Variants in TBC1D16 observed in about 807,000 individuals in gnomAD.
TBC1D16 encodes the protein TBC1 domain family member 16, also known as CTD-2529O21.1.
Under a neutral mutation model 74.7 loss-of-function variants are expected in TBC1D16, and 58 were observed. That is an observed-to-expected ratio of 0.78 (90% CI 0.63 to 0.97). The LOEUF is 0.97. Among genes scored for constraint, TBC1D16 ranks in the 50% least tolerant of loss-of-function variants. The pLI, the probability that TBC1D16 is intolerant of heterozygous loss-of-function variation, is 0.00. For synonymous variants in TBC1D16, 493 were observed against 474.7 expected (o/e 1.04, Z -0.50); for missense variants, 1,014 against 1,079.5 (o/e 0.94, Z 0.85).
rs2035777129 is a variant in TBC1D16 at position 80,008,954 on chromosome 17, ACCC to A, written c.779+1203_779+1205del. On this transcript the variant is annotated intron_variant, in intron 3 of 11. Coordinates refer to ENST00000310924, the MANE Select transcript of TBC1D16 (RefSeq NM_019020.4). This position sits in a 1 kb window ranked among gnomAD's most constrained non-coding sequence, Gnocchi z 4.5. ...CTTTTATGCTGCAGCCCTGGGGCAG[ACCC>A]AGCTGGGTTCACATCCCAGCTTGGC... Among the ~76,000 whole-genome samples the A allele has an allele frequency of 6.6e-6, 1 of 152,132 alleles. No individual in the cohort carries two copies. Among genetic ancestry groups the A allele is most frequent in the Non-Finnish European group, 1.5e-5 (1 of 67,994 alleles).
In TBC1D16 at chr17:80,013,597, C is replaced by T. The variant is rs543413670; in HGVS notation, c.-50G>A. The T allele has an allele frequency of 4.7e-5, 67 of 1,440,354 alleles. No homozygotes were observed. The highest frequency in any genetic ancestry group is 5.6e-5 in the Non-Finnish European group (61 of 1,090,564). The allele number at this position is 1,440,354 out of a possible 1,614,324, so 89.2% of individuals were successfully genotyped here. A position where few individuals can be genotyped will look rare whatever the true frequency, so the allele number is the denominator to read the frequency against. The stretch of plus-strand genomic sequence containing the variant: ...CGCATGCGTCGGCCCGGGCAGGGCT[C>T]GTCAAGACCTGCCTGGGGGAGGAAG... On this transcript the variant is annotated 5_prime_UTR_variant, in exon 2 of 12. Transcript: ENST00000310924.
At chr17:79,955,488 G>A (rs1244583141) in intron 3 of TBC1D16, among the ~76,000 whole-genome samples, 2 of 152,144 alleles carry the variant, frequency 1.3e-5, no homozygotes, top group Non-Finnish European at 2.9e-5. Flanking sequence ...TAAACTACAG[G>A]GAAAACGAAA....
At position 79,988,914 on chromosome 17, in the gene TBC1D16, G is replaced by A. The variant is rs1051498404; in HGVS notation, c.779+21246C>T. Among the ~76,000 whole-genome samples, 7 of 152,138 alleles carry A rather than the reference G, an allele frequency of 4.6e-5. No homozygotes were observed. Among genetic ancestry groups the A allele is most frequent in the East Asian group, 1.9e-4 (1 of 5,186 alleles). On this transcript the variant is annotated intron_variant, in intron 3 of 11. Transcript: ENST00000310924. This position sits in a 1 kb window ranked among gnomAD's most constrained non-coding sequence, Gnocchi z 5.7. ...CACCCTCCCCAACCCGCACCTGCCC[G>A]CCGGCCCCAGGCCCTCCCTCAGGAC...
At position 79,979,479 on chromosome 17, in the gene TBC1D16, A is replaced by C. The variant is rs906855080; in HGVS notation, c.780-26661T>G. Among the ~76,000 whole-genome samples, 4 of 152,198 alleles carry C rather than the reference A, an allele frequency of 2.6e-5. No homozygotes were observed. The highest frequency in any genetic ancestry group is 9.7e-5 in the African/African-American group (4 of 41,450). On this transcript the variant is annotated intron_variant, in intron 3 of 11. Coordinates refer to ENST00000310924, the MANE Select transcript of TBC1D16 (RefSeq NM_019020.4). This position sits in a 1 kb window ranked among gnomAD's most constrained non-coding sequence, Gnocchi z 4.8. ...GAGGCCTGAAGCGGGAGGCGGGAGG[A>C]CCGCATAGCTGCAAATGCATCTGGG...
chr17:79,936,878 G>C lies in TBC1D16; in HGVS notation c.*3981C>G, dbSNP rs1008289504. 6.7e-6 allele frequency: 1 copy of C among 150,226 alleles called. No homozygotes were observed. The highest frequency in any genetic ancestry group is 6.7e-5 in the Admixed American group (1 of 14,962). The allele number at this position is 150,226 out of a possible 1,614,324, so 9.3% of individuals were successfully genotyped here. A position where few individuals can be genotyped will look rare whatever the true frequency, so the allele number is the denominator to read the frequency against. On this transcript the variant is annotated 3_prime_UTR_variant, in exon 12 of 12. Coordinates refer to ENST00000310924, the MANE Select transcript of TBC1D16 (RefSeq NM_019020.4). ...GCTGCACCCCTGCACATATGTGTGTGTGTGTGTGCATGCGTGCGTGTGTGC... is the reference window on the plus strand; with the variant it reads ...GCTGCACCCCTGCACATATGTGTGTCTGTGTGTGCATGCGTGCGTGTGTGC...
intron 1 of TBC1D16, among the ~76,000 whole-genome samples, chr17:80,029,968 G>C (rs1354725216): frequency 6.6e-6 from 1 of 151,950 alleles, no homozygotes; most frequent in Non-Finnish European, 1.5e-5. Flanking sequence ...CATCTTCAAG[G>C]CCAGCAGTGG....
chr17:79,940,865 G>A lies in TBC1D16; in HGVS notation c.2298C>T (p.Arg766=). Residue 766 remains arginine (R), a synonymous_variant, in exon 12 of 12, where the codon CGC becomes CGT. Coordinates refer to ENST00000310924, the MANE Select transcript of TBC1D16 (RefSeq NM_019020.4). The surrounding 1 kb of genome is among the most constrained non-coding windows in gnomAD (Gnocchi z 5.4). ...CCGGTGTCGGGGGCCCGACCTATCTGCGGAAGCCGAAGCCGTCCTGCGGCG... is the reference window on the plus strand; with the variant it reads ...CCGGTGTCGGGGGCCCGACCTATCTACGGAAGCCGAAGCCGTCCTGCGGCG... ...PKTPQDGFGF[R]R 4 of 1,544,098 alleles carry A rather than the reference G, an allele frequency of 2.6e-6. No individual in the cohort carries two copies. The highest frequency in any genetic ancestry group is 3.5e-6 in the Non-Finnish European group (4 of 1,137,906).
chr17:80,021,485 T>G (rs1407393708), intron 1 of TBC1D16, among the ~76,000 whole-genome samples: 1 of 149,774 alleles, frequency 6.7e-6, no homozygotes, highest in Non-Finnish European at 1.5e-5. Flanking sequence ...ACTTGTGAAT[T>G]ATCTGTTGGT....
chr17:79,954,542 G>A lies in TBC1D16; in HGVS notation c.780-1724C>T, dbSNP rs1019633954. On this transcript the variant is annotated intron_variant, in intron 3 of 11. Coordinates refer to ENST00000310924, the MANE Select transcript of TBC1D16 (RefSeq NM_019020.4). The surrounding 1 kb of genome is among the most constrained non-coding windows in gnomAD (Gnocchi z 5.5). ...ATGTGGGGCCATCACCTGAACTGCC[G>A]TGGCTGCGCCGCGGACGGGCCCAGA... Among the ~76,000 whole-genome samples, 1 of 152,172 alleles carries A rather than the reference G, an allele frequency of 6.6e-6. No homozygotes were observed. The highest frequency in any genetic ancestry group is 1.5e-5 in the Non-Finnish European group (1 of 68,014).
rs547601439 is a variant in TBC1D16 at position 79,970,697 on chromosome 17, G to A, written c.780-17879C>T. Among the ~76,000 whole-genome samples, 27 of 152,292 alleles carry A rather than the reference G, an allele frequency of 1.8e-4. No individual in the cohort carries two copies. The South Asian group carries it at 5.6e-3, about 32-fold the overall frequency. On this transcript the variant is annotated intron_variant, in intron 3 of 11. Coordinates refer to ENST00000310924, the MANE Select transcript of TBC1D16 (RefSeq NM_019020.4). ...CACAGGGTGGGAGGTGGAGGGGCTGGGCACGGCCACTCTAGAGAGGTGGAC... is the reference window on the plus strand; with the variant it reads ...CACAGGGTGGGAGGTGGAGGGGCTGAGCACGGCCACTCTAGAGAGGTGGAC...
chr17:79,949,137 G>T, intron 7 of TBC1D16, 131 bp from the exon 8 acceptor site: 1 of 1,206,576 alleles, frequency 8.3e-7, no homozygotes, highest in Non-Finnish European at 1.2e-6. Flanking sequence ...GGCTGCTGCC[G>T]GCTGCAGACC....
chr17:80,009,134 G>C lies in TBC1D16; in HGVS notation c.779+1026C>G, dbSNP rs896314120. The stretch of plus-strand genomic sequence containing the variant: ...TACCATCCATAGCCCACGGTGTCCA[G>C]CGCCCAGGCGAGACCCAGACCACCC... On this transcript the variant is annotated intron_variant, in intron 3 of 11. Transcript: ENST00000310924. The surrounding 1 kb of genome is among the most constrained non-coding windows in gnomAD (Gnocchi z 5.4). Among the ~76,000 whole-genome samples, 30 of 152,370 alleles carry C rather than the reference G, an allele frequency of 2.0e-4. No homozygotes were observed. The highest frequency in any genetic ancestry group is 4.4e-5 in the Non-Finnish European group (3 of 68,030).
intron 3 of TBC1D16, among the ~76,000 whole-genome samples, chr17:79,959,637 C>T (rs1400740625): frequency 6.6e-6 from 1 of 152,094 alleles, no homozygotes; most frequent in East Asian, 1.9e-4. Context: ...TTTCAATAAA[C>T]GATACTGGAT....
intron 1 of TBC1D16, among the ~76,000 whole-genome samples, chr17:80,018,820 T>C (rs1181270784): frequency 6.7e-6 from 1 of 149,644 alleles, no homozygotes; most frequent in African/African-American, 2.6e-5. Flanking sequence ...AGGCTGGTCT[T>C]GAACTTCTGG....
intron 10 of TBC1D16, among the ~76,000 whole-genome samples, chr17:79,942,437 G>A (rs920484904): frequency 6.7e-6 from 1 of 149,878 alleles, no homozygotes; most frequent in South Asian, 2.2e-4. Context: ...AGGCTGCTGT[G>A]ACATCCAGAG....
rs1483006317 is a variant in TBC1D16, at chr17:80,000,683, T to C, written c.779+9477A>G. ...CAGGTACACAGTGATGATGACTGTC[T>C]ATCTGCCCTGTACTGAGCCCTCTGT... On this transcript the variant is annotated intron_variant, in intron 3 of 11. Coordinates refer to ENST00000310924, the MANE Select transcript of TBC1D16 (RefSeq NM_019020.4). The surrounding 1 kb of genome is among the most constrained non-coding windows in gnomAD (Gnocchi z 4.1). 6.6e-6 allele frequency among the ~76,000 whole-genome samples: 1 copy of C among 152,218 alleles called. No individual in the cohort carries two copies. Among genetic ancestry groups the C allele is most frequent in the East Asian group, 1.9e-4 (1 of 5,194 alleles).
chr17:79,943,879 C>T, intron 10 of TBC1D16: 2 of 1,406,440 alleles, frequency 1.4e-6, no homozygotes, highest in Middle Eastern at 2.7e-4. Context: ...TGCAATGAGG[C>T]ACGATTTTTT....
rs142456003 is a variant in TBC1D16 at position 80,008,283 on chromosome 17, C to G, written c.779+1877G>C. ...CATCTTACAAACAGGGAAACCGAGGCTCCAAGAAAAGAAAGAATTTCCCAG... is the reference window on the plus strand; with the variant it reads ...CATCTTACAAACAGGGAAACCGAGGGTCCAAGAAAAGAAAGAATTTCCCAG... On this transcript the variant is annotated intron_variant, in intron 3 of 11. Transcript: ENST00000310924. The surrounding 1 kb of genome is among the most constrained non-coding windows in gnomAD (Gnocchi z 4.5). Among the ~76,000 whole-genome samples, 1,992 of 152,252 alleles carry G rather than the reference C, an allele frequency of 0.013. 17 individuals are homozygous for G. Among genetic ancestry groups the G allele is most frequent in the South Asian group, 0.042 (204 of 4,824 alleles).
At chr17:79,962,655 C>T (rs1181034707) in intron 3 of TBC1D16, among the ~76,000 whole-genome samples, 1 of 152,026 alleles carries the variant, frequency 6.6e-6, no homozygotes, top group Non-Finnish European at 1.5e-5. Flanking sequence ...GCTTCCAGGC[C>T]AGGCGCGGTG....
Sources: allele counts gnomAD v4.1 joint callset (sites outside exome capture counted in the v4.1 genomes callset), GRCh38; gene constraint gnomAD v4.1.1; non-coding constraint Gnocchi (gnomAD v3.1); transcripts MANE v1.5; gene names NCBI Gene and HGNC (gene_info 2026-07-23, HGNC 2026-07-21).